The following STK32B variants were observed in gnomAD, a reference collection of about 807,000 sequenced individuals.
STK32B encodes serine/threonine-protein kinase 32B.
A neutral mutation model predicts 52.6 loss-of-function variants in STK32B; 43 were observed. The ratio of observed to expected loss-of-function variants is 0.82; its 90% CI spans 0.64 to 1.05. STK32B has a LOEUF of 1.05. Ranked by LOEUF, STK32B falls within the 50% of genes least tolerant of loss-of-function variation. The pLI is 0.00. For synonymous variants in STK32B, 238 were observed against 204.3 expected, an observed-to-expected ratio of 1.17 and a Z score of -1.41; for missense variants, 621 against 534.6, an observed-to-expected ratio of 1.16 and a Z score of -1.59.
intron 1 of STK32B, among the ~76,000 whole-genome samples, chr4:5,096,387 A>G (rs1431321977): frequency 6.6e-6 from 1 of 152,210 alleles, no homozygotes; most frequent in Non-Finnish European, 1.5e-5. Context: ...GCACGTGGTC[A>G]ACATTTCTGC....
At chr4:5,118,526 T>C (rs898024537) in intron 1 of STK32B, among the ~76,000 whole-genome samples, 1 of 152,244 alleles carries the variant, frequency 6.6e-6, no homozygotes, top group Non-Finnish European at 1.5e-5. Context: ...GGCTGCAGGC[T>C]TCTCTCCTTC....
At position 5,457,255 on chromosome 4, in the gene STK32B, G is replaced by T. The variant is rs186382689; in HGVS notation, c.783+332G>T. 8.6e-3 allele frequency among the ~76,000 whole-genome samples: 1,131 copies of T among 132,162 alleles called. 20 individuals carry two copies. Among genetic ancestry groups the T allele is most frequent in the African/African-American group, 0.031 (1,056 of 34,590 alleles). The allele number at this position is 132,162 out of a possible 152,430, so 86.7% of individuals were successfully genotyped here. A position where few individuals can be genotyped will look rare whatever the true frequency, so the allele number is the denominator to read the frequency against. On this transcript the variant is annotated intron_variant, in intron 8 of 11. Transcript: ENST00000282908. ...TTAATATACGGAGTCTCACTCTGTCGCCCAGGCTGGAGTGCAGTGGCGCAG... is the reference window on the plus strand; with the variant it reads ...TTAATATACGGAGTCTCACTCTGTCTCCCAGGCTGGAGTGCAGTGGCGCAG...
chr4:5,373,413 G>A (rs552991678), intron 4 of STK32B, among the ~76,000 whole-genome samples: 18 of 152,264 alleles, frequency 1.2e-4, no homozygotes, highest in African/African-American at 3.4e-4. Flanking sequence ...GTTTGAGTCC[G>A]AAGGTAGTAA....
At chr4:5,479,677 G>A (rs1718525933) in intron 11 of STK32B, among the ~76,000 whole-genome samples, 1 of 152,082 alleles carries the variant, frequency 6.6e-6, no homozygotes, top group African/African-American at 2.4e-5. Flanking sequence ...TCTCTTCCAG[G>A]GATTCTAGAG....
chr4:5,119,765 C>A (rs374228667), intron 1 of STK32B, among the ~76,000 whole-genome samples: 1 of 152,252 alleles, frequency 6.6e-6, no homozygotes, highest in Non-Finnish European at 1.5e-5. Context: ...TGTGAGCGAC[C>A]TAAATTTCAC....
chr4:5,135,546 A>G (rs1716023003), intron 1 of STK32B, among the ~76,000 whole-genome samples: 1 of 152,230 alleles, frequency 6.6e-6, no homozygotes, highest in South Asian at 2.1e-4. Context: ...AGACAACCTG[A>G]CCCACTGAAC....
chr4:5,252,092 C>G (rs955302737), intron 3 of STK32B, among the ~76,000 whole-genome samples: 1 of 152,176 alleles, frequency 6.6e-6, no homozygotes, highest in East Asian at 1.9e-4. Flanking sequence ...GCAGCAACAA[C>G]CCCCCATCAG....
chr4:5,333,172 T>TAG (rs1732392001), intron 4 of STK32B, among the ~76,000 whole-genome samples: 2 of 152,140 alleles, frequency 1.3e-5, no homozygotes, highest in Non-Finnish European at 2.9e-5. Flanking sequence ...TTCCTGACTT[T>TAG]TTAATGATTG....
the STK32B span, among the ~76,000 whole-genome samples, chr4:5,040,635 G>T: frequency 3.3e-5 from 5 of 152,054 alleles, no homozygotes; most frequent in Non-Finnish European, 7.4e-5. Context: ...CTCGTAATCT[G>T]CCCTCCTTGG....
At position 5,317,493 on chromosome 4, in the gene STK32B, AT is replaced by A. The variant is rs1405392514; in HGVS notation, c.261-13726del. Among the ~76,000 whole-genome samples the A allele has an allele frequency of 1.5e-4, 11 of 71,064 alleles. 1 individual carries two copies. The highest frequency in any genetic ancestry group is 1.1e-3 in the African/African-American group (11 of 9,608). 46.6% of individuals were successfully genotyped at this position (71,064 alleles called of 152,430 possible). On this transcript the variant is annotated intron_variant, in intron 3 of 11. Transcript: ENST00000282908. The stretch of plus-strand genomic sequence containing the variant: ...ATAATATATATATTACATATATATA[AT>A]ATATATTATATATGTATAATATATT...
intron 3 of STK32B, among the ~76,000 whole-genome samples, chr4:5,273,921 G>A (rs1031086304): frequency 2.0e-5 from 3 of 151,058 alleles, no homozygotes; most frequent in Admixed American, 1.3e-4. Flanking sequence ...TAGCGCACCA[G>A]CATGACACAT....
intron 3 of STK32B, among the ~76,000 whole-genome samples, chr4:5,248,550 G>T (rs1725635450): frequency 6.6e-6 from 1 of 152,144 alleles, no homozygotes; most frequent in East Asian, 1.9e-4. Context: ...GGAGACACTT[G>T]TCTTTTTATG....
At chr4:5,325,107 A>G (rs1184995426) in intron 3 of STK32B, among the ~76,000 whole-genome samples, 4 of 152,208 alleles carry the variant, frequency 2.6e-5, no homozygotes, top group Admixed American at 6.5e-5. Context: ...GCTTTACCCC[A>G]TGTGGCATTG....
intron 4 of STK32B, among the ~76,000 whole-genome samples, chr4:5,393,067 A>T (rs1034162170): frequency 1.3e-5 from 2 of 152,208 alleles, no homozygotes; most frequent in Admixed American, 1.3e-4. Flanking sequence ...GATTCTAAGC[A>T]TCCTATCCCA....
At chr4:5,315,813 T>G (rs760987091) in intron 3 of STK32B, among the ~76,000 whole-genome samples, 6 of 151,462 alleles carry the variant, frequency 4.0e-5, no homozygotes, top group Non-Finnish European at 7.4e-5. Flanking sequence ...CAAGCTATTC[T>G]CCTGCCTCAG....
rs189944993 is a variant in STK32B at position 5,364,627 on chromosome 4, A to T, written c.434+33234A>T. On this transcript the variant is annotated intron_variant, in intron 4 of 11. Transcript: ENST00000282908. ...CACGTGACTATCCCTGAATGAGTTG[A>T]ACCACGTACCACCTGTCTGGTGGGC... is the stretch of plus-strand genomic sequence containing the variant. 2.3e-3 allele frequency among the ~76,000 whole-genome samples: 354 copies of T among 152,316 alleles called. 2 individuals carry two copies. The highest frequency in any genetic ancestry group is 8.1e-3 in the African/African-American group (338 of 41,564).
At chr4:5,304,217 C>T (rs555127681) in intron 3 of STK32B, among the ~76,000 whole-genome samples, 2 of 151,770 alleles carry the variant, frequency 1.3e-5, no homozygotes, top group Admixed American at 6.6e-5. Flanking sequence ...CTCTGAAAAA[C>T]GATGGTGATA....
At chr4:5,413,744 C>G (rs1711909336) in intron 5 of STK32B, among the ~76,000 whole-genome samples, 1 of 152,172 alleles carries the variant, frequency 6.6e-6, no homozygotes, top group Non-Finnish European at 1.5e-5. Context: ...CCAGTGAAAA[C>G]TGACCAAGGG....
chr4:5,156,413 T>TATTA (rs1002598325), intron 2 of STK32B, among the ~76,000 whole-genome samples: 2 of 152,226 alleles, frequency 1.3e-5, no homozygotes, highest in African/African-American at 4.8e-5. Context: ...CCCACTCCTC[T>TATTA]GCATGCAAAT....
Sources: gnomAD v4.1 joint callset for allele counts (sites outside exome capture counted in the v4.1 genomes callset) on GRCh38, gnomAD v4.1.1 for gene constraint, MANE v1.5 for transcripts, NCBI Gene and HGNC (gene_info 2026-07-23, HGNC 2026-07-21) for gene names.